The following CRACD variants were observed in gnomAD, a reference collection of about 807,000 sequenced individuals.
The protein encoded by CRACD is capping protein-inhibiting regulator of actin dynamics.
CRACD carries 56 observed loss-of-function variants against 106.8 expected under a neutral mutation model. The observed-to-expected ratio is 0.52, with a 90% CI of 0.42 to 0.66. The LOEUF (loss-of-function observed/expected upper bound fraction) is 0.66, where lower values mean the gene tolerates loss of function less well. Ranked by LOEUF, CRACD falls within the 30% of genes least tolerant of loss-of-function variation. The pLI is 0.00. For synonymous variants in CRACD, 754 were observed against 670.8 expected (o/e 1.12, Z -1.92); for missense variants, 1,730 against 1,623.2 (o/e 1.07, Z -1.13).
intron 2 of CRACD, among the ~76,000 whole-genome samples, chr4:56,193,128 T>C (rs2109459941): frequency 6.6e-6 from 1 of 152,290 alleles, no homozygotes; most frequent in Non-Finnish European, 1.5e-5. Flanking sequence ...AGCAAAGGGA[T>C]GTTTTACATG....
At chr4:56,307,738 C>CCCCTA in intron 5 of CRACD, 39 bp downstream of exon 5, 10 of 1,607,668 alleles carry the variant, frequency 6.2e-6, no homozygotes, top group Non-Finnish European at 8.5e-6. Context: ...GGCTCATAAA[C>CCCCTA]CAGGGCAGGA....
intron 1 of CRACD, among the ~76,000 whole-genome samples, chr4:56,120,544 A>G (rs1359740168): frequency 6.6e-6 from 1 of 152,220 alleles, no homozygotes; most frequent in African/African-American, 2.4e-5. Flanking sequence ...CCTTCTTCAC[A>G]TCAATTCACA....
At chr4:56,266,148 A>C (rs544253251) in intron 2 of CRACD, among the ~76,000 whole-genome samples, 70 of 152,342 alleles carry the variant, frequency 4.6e-4, no homozygotes, top group Non-Finnish European at 8.4e-4. Flanking sequence ...GAAAATTACT[A>C]TGATCCCTGA....
chr4:56,207,987 A>ATTTTTT lies in CRACD; in HGVS notation c.-189+28566_-189+28571dup, dbSNP rs1191794918. Among the ~76,000 whole-genome samples the ATTTTTT allele has an allele frequency of 3.0e-4, 42 of 138,818 alleles. 1 individual carries two copies. The highest frequency in any genetic ancestry group is 4.9e-4 in the Non-Finnish European group (31 of 63,382). 91.1% of individuals were successfully genotyped at this position (138,818 alleles called of 152,430 possible). ...CAGACACACCATGCCTGGTTAATTA[A>ATTTTTT]TTTTTTTTTTTTTTAGAGATGAGGG... On this transcript the variant is annotated intron_variant, in intron 2 of 10. Coordinates refer to ENST00000682029, the MANE Select transcript of CRACD (RefSeq NM_001393381.1).
intron 2 of CRACD, among the ~76,000 whole-genome samples, chr4:56,213,825 C>T (rs950891494): frequency 6.6e-6 from 1 of 152,198 alleles, no homozygotes; most frequent in Non-Finnish European, 1.5e-5. Context: ...TTACAGTTTA[C>T]TATGGAGAAA....
At chr4:56,091,364 CTTTT>C (rs60218856) in intron 1 of CRACD, among the ~76,000 whole-genome samples, 1 of 146,718 alleles carries the variant, frequency 6.8e-6, no homozygotes. Context: ...CAGAGTAGTT[CTTTT>C]TTTTTTTTTT....
intron 8 of CRACD, 78 bp from the exon 9 acceptor site, chr4:56,323,299 A>G: frequency 7.7e-7 from 1 of 1,294,640 alleles, no homozygotes; most frequent in Non-Finnish European, 1.1e-6. Context: ...AATATGTCAC[A>G]AGTTTTAGGG....
intron 1 of CRACD, among the ~76,000 whole-genome samples, chr4:56,163,256 G>A (rs188143516): frequency 7.2e-5 from 11 of 152,006 alleles, no homozygotes; most frequent in African/African-American, 2.7e-4. Flanking sequence ...CAATTTTAAA[G>A]CTATAAATAT....
chr4:56,059,007 C>A (rs1487826668), intron 1 of CRACD, among the ~76,000 whole-genome samples: 1 of 152,136 alleles, frequency 6.6e-6, no homozygotes, highest in Non-Finnish European at 1.5e-5. Context: ...TACAGATTAT[C>A]ATTTTTCTTT....
chr4:56,208,201 T>C (rs1054077371), intron 2 of CRACD, among the ~76,000 whole-genome samples: 3 of 152,104 alleles, frequency 2.0e-5, no homozygotes, highest in Non-Finnish European at 2.9e-5. Context: ...CCTGGTTAAC[T>C]TTACCTTAAG....
At chr4:56,325,491 A>C (rs1346292316) in intron 10 of CRACD, among the ~76,000 whole-genome samples, 1 of 152,172 alleles carries the variant, frequency 6.6e-6, no homozygotes, top group Non-Finnish European at 1.5e-5. Context: ...CACTGATGTG[A>C]TTTCACGCAG....
At chr4:56,200,976 A>C (rs967039083) in intron 2 of CRACD, among the ~76,000 whole-genome samples, 4 of 152,254 alleles carry the variant, frequency 2.6e-5, no homozygotes, top group Non-Finnish European at 2.9e-5. Context: ...AATATCATTG[A>C]GGAAGTTTAA....
At position 56,329,572 on chromosome 4, in the gene CRACD, G is replaced by T. The variant is rs1304095783; in HGVS notation, c.*1768G>T. On this transcript the variant is annotated 3_prime_UTR_variant, in exon 11 of 11. Coordinates refer to ENST00000682029, the MANE Select transcript of CRACD (RefSeq NM_001393381.1). ...ATCATATATACTGGACCTTCAGACT[G>T]TTAAAAATCAATGTAACCTTTTTTT... Among the ~76,000 whole-genome samples the T allele has an allele frequency of 6.6e-6, 1 of 152,138 alleles. No homozygotes were observed. The highest frequency in any genetic ancestry group is 1.5e-5 in the Non-Finnish European group (1 of 68,000).
chr4:56,319,634 G>T (rs1745930406), intron 8 of CRACD, among the ~76,000 whole-genome samples: 1 of 151,922 alleles, frequency 6.6e-6, no homozygotes. Flanking sequence ...GCTTGATTTT[G>T]TTTTTATCCT....
At chr4:56,201,173 G>C (rs1239397746) in intron 2 of CRACD, among the ~76,000 whole-genome samples, 1 of 152,152 alleles carries the variant, frequency 6.6e-6, no homozygotes, top group Non-Finnish European at 1.5e-5. Flanking sequence ...GCTACTCAGA[G>C]TGTGCTGAGG....
intron 10 of CRACD, 39 bp downstream of exon 10, chr4:56,324,305 G>T (rs755896088): frequency 6.3e-7 from 1 of 1,585,522 alleles, no homozygotes; most frequent in East Asian, 2.2e-5. Context: ...TGTAGTTCCA[G>T]GTTTCTCTTT....
At chr4:56,278,165 A>T (rs781610425) in intron 3 of CRACD, among the ~76,000 whole-genome samples, 99 of 152,176 alleles carry the variant, frequency 6.5e-4, no homozygotes, top group Non-Finnish European at 4.9e-4. Flanking sequence ...GGATCCTAAA[A>T]TTCATATGGA....
At chr4:56,105,086 C>A (rs1461310590) in intron 1 of CRACD, among the ~76,000 whole-genome samples, 1 of 152,118 alleles carries the variant, frequency 6.6e-6, no homozygotes, top group Non-Finnish European at 1.5e-5. Context: ...TCAAATGACT[C>A]TTTACAGTAA....
rs544420258 is a variant in CRACD, at chr4:56,313,977, G to A, written c.538-63G>A. The A allele has an allele frequency of 8.4e-6, 13 of 1,548,300 alleles. No homozygotes were observed. In the Admixed American group the frequency reaches 1.4e-4, roughly 17 times the overall value. On this transcript the variant is annotated intron_variant, in intron 7 of 10. Transcript: ENST00000682029. ...AGAGGGTCGCTGGCACTGTGAATAG[G>A]AAAAGGAACGACTGTGGGTGGAGAA...
Sources: allele counts gnomAD v4.1 joint callset (sites outside exome capture counted in the v4.1 genomes callset), GRCh38; gene constraint gnomAD v4.1.1; transcripts MANE v1.5; gene names NCBI Gene and HGNC (gene_info 2026-07-23, HGNC 2026-07-21).